OPCML: variants seen among roughly 807,000 people sequenced by gnomAD.
OPCML encodes opioid binding protein/cell adhesion molecule like, also known as opioid-binding protein/cell adhesion molecule.
A neutral mutation model predicts 37.8 loss-of-function variants in OPCML; 13 were observed. The observed-to-expected ratio is 0.34, with a 90% CI of 0.22 to 0.55. The LOEUF (loss-of-function observed/expected upper bound fraction) is 0.55. OPCML is among the 20% of genes least tolerant of loss of function. The pLI, the probability that OPCML is intolerant of heterozygous loss-of-function variation, is 0.91. For missense variants in OPCML, 341 were observed against 435.6 expected (o/e 0.78, Z 1.93); for synonymous variants, 176 against 168.8 (o/e 1.04, Z -0.33).
intron 1 of OPCML, among the ~76,000 whole-genome samples, chr11:133,191,504 GGT>G (rs56143154): frequency 0.033 from 4,684 of 142,350 alleles, 193 homozygotes; most frequent in African/African-American, 0.096. Flanking sequence ...TGTGTGTGTG[GGT>G]GTGTGTGTGT....
At chr11:132,833,042 C>T (rs1328171861) in intron 2 of OPCML, among the ~76,000 whole-genome samples, 2 of 152,006 alleles carry the variant, frequency 1.3e-5, no homozygotes, top group Non-Finnish European at 2.9e-5. Context: ...CAGTTAGTAC[C>T]GGGGACTTTA....
At chr11:133,215,208 G>C (rs1939534244) in intron 1 of OPCML, among the ~76,000 whole-genome samples, 2 of 149,158 alleles carry the variant, frequency 1.3e-5, no homozygotes, top group African/African-American at 5.2e-5. Context: ...GAGAGAGAGT[G>C]TGTGTGTGTG....
intron 1 of OPCML, among the ~76,000 whole-genome samples, chr11:133,519,617 T>C (rs1948359279): frequency 6.6e-6 from 1 of 152,200 alleles, no homozygotes; most frequent in South Asian, 2.1e-4. Flanking sequence ...CCATCTCCCC[T>C]ATCTTCCTGA....
intron 1 of OPCML, among the ~76,000 whole-genome samples, chr11:132,975,557 A>G (rs1219708817): frequency 1.8e-5 from 1 of 54,678 alleles, no homozygotes; most frequent in Non-Finnish European, 3.7e-5. Context: ...AAAAAAAAAA[A>G]AAAAAAAAAA....
intron 1 of OPCML, among the ~76,000 whole-genome samples, chr11:133,492,418 C>A (rs1476029639): frequency 6.6e-6 from 1 of 152,240 alleles, no homozygotes; most frequent in East Asian, 1.9e-4. Flanking sequence ...TTTTTCTACC[C>A]TTGATAACAG....
chr11:133,305,755 C>T (rs906957963), intron 1 of OPCML, among the ~76,000 whole-genome samples: 1 of 152,138 alleles, frequency 6.6e-6, no homozygotes, highest in Non-Finnish European at 1.5e-5. Flanking sequence ...GCAGGCGTTC[C>T]CTCAGAGCAG....
At chr11:132,676,237 A>T (rs1942695614) in intron 2 of OPCML, among the ~76,000 whole-genome samples, 1 of 152,200 alleles carries the variant, frequency 6.6e-6, no homozygotes, top group Admixed American at 6.5e-5. Flanking sequence ...CTGGATGTCC[A>T]CACACAATTG....
At chr11:133,498,028 C>A (rs999789707) in intron 1 of OPCML, among the ~76,000 whole-genome samples, 3 of 152,196 alleles carry the variant, frequency 2.0e-5, no homozygotes, top group Non-Finnish European at 4.4e-5. Context: ...ACATCAGCTG[C>A]ACTTGTATAA....
chr11:133,050,383 G>C (rs932809607), intron 1 of OPCML, among the ~76,000 whole-genome samples: 5 of 152,132 alleles, frequency 3.3e-5, no homozygotes, highest in Admixed American at 1.3e-4. Flanking sequence ...TAATGAGCTT[G>C]CCTGTAATGA....
chr11:132,881,246 T>C (rs991322180), intron 2 of OPCML, among the ~76,000 whole-genome samples: 2 of 152,206 alleles, frequency 1.3e-5, no homozygotes, highest in African/African-American at 2.4e-5. Context: ...GGAATGAAGA[T>C]CTGTATCACA....
intron 1 of OPCML, among the ~76,000 whole-genome samples, chr11:133,248,693 T>C (rs1005488125): frequency 6.6e-6 from 1 of 152,176 alleles, no homozygotes; most frequent in Non-Finnish European, 1.5e-5. Context: ...AGAAGTTCAC[T>C]GATGCTAAGA....
At chr11:132,983,316 A>G (rs1464858866) in intron 1 of OPCML, among the ~76,000 whole-genome samples, 1 of 152,236 alleles carries the variant, frequency 6.6e-6, no homozygotes, top group Non-Finnish European at 1.5e-5. Flanking sequence ...TGCCTCTGGG[A>G]TTGGTCCAGG....
chr11:133,358,225 C>A (rs564469733), intron 1 of OPCML, among the ~76,000 whole-genome samples: 1 of 152,338 alleles, frequency 6.6e-6, no homozygotes, highest in African/African-American at 2.4e-5. Flanking sequence ...TTCCAGATCT[C>A]TTTATTGCAC....
chr11:132,530,575 A>G (rs1376167586), intron 3 of OPCML, among the ~76,000 whole-genome samples: 1 of 152,148 alleles, frequency 6.6e-6, no homozygotes, highest in Non-Finnish European at 1.5e-5. Flanking sequence ...TTGACAAACA[A>G]ACCCTTCTGC....
intron 1 of OPCML, among the ~76,000 whole-genome samples, chr11:133,084,068 A>AT (rs112976095): frequency 4.2e-4 from 62 of 148,982 alleles, no homozygotes; most frequent in East Asian, 2.0e-3. Context: ...CTCTCTTGAC[A>AT]TTTTTTTTTT....
intron 1 of OPCML, among the ~76,000 whole-genome samples, chr11:133,190,427 CTCTT>C (rs1201086082): frequency 6.6e-6 from 1 of 152,230 alleles, no homozygotes; most frequent in African/African-American, 2.4e-5. Flanking sequence ...CCCTCCCTCT[CTCTT>C]TCTCTTCCTA....
intron 3 of OPCML, among the ~76,000 whole-genome samples, chr11:132,600,839 C>CT (rs145586468): frequency 0.031 from 2,974 of 94,504 alleles, 252 homozygotes; most frequent in Middle Eastern, 0.064. Flanking sequence ...AAATAGTTAA[C>CT]TTTTTTTTTT....
chr11:132,875,177 T>C (rs998576795), intron 2 of OPCML, among the ~76,000 whole-genome samples: 1 of 152,204 alleles, frequency 6.6e-6, no homozygotes, highest in African/African-American at 2.4e-5. Flanking sequence ...GAAATTACAA[T>C]GAACTCATGC....
At chr11:132,604,633 T>C (rs771399445) in intron 3 of OPCML, among the ~76,000 whole-genome samples, 2 of 152,142 alleles carry the variant, frequency 1.3e-5, no homozygotes, top group Non-Finnish European at 2.9e-5. Flanking sequence ...CCAAGCCACC[T>C]CTCTTCATGA....
Sources: allele counts gnomAD v4.1 joint callset (sites outside exome capture counted in the v4.1 genomes callset), GRCh38; gene constraint gnomAD v4.1.1; transcripts MANE v1.5; gene names NCBI Gene and HGNC (gene_info 2026-07-23, HGNC 2026-07-21).